STIM1: variants seen among roughly 807,000 people sequenced by gnomAD.
The protein encoded by STIM1 is stromal interaction molecule 1.
A neutral mutation model predicts 74.7 loss-of-function variants in STIM1; 25 were observed. The observed-to-expected ratio is 0.33, with a 90% CI of 0.24 to 0.47. The LOEUF (loss-of-function observed/expected upper bound fraction) is 0.47, where lower values mean the gene tolerates loss of function less well. Ranked by LOEUF, STIM1 falls within the 20% of genes least tolerant of loss-of-function variation. STIM1 has a pLI of 1.00. For missense variants in STIM1, 728 were observed against 920.8 expected (o/e 0.79, Z 2.71); for synonymous variants, 328 against 348.8 (o/e 0.94, Z 0.66).
intron 1 of STIM1, among the ~76,000 whole-genome samples, chr11:3,881,538 T>C (rs2091501427): frequency 6.6e-6 from 1 of 151,910 alleles, no homozygotes; most frequent in Non-Finnish European, 1.5e-5. Context: ...ACCCGGCTAA[T>C]TTTTTTGTAT....
chr11:3,928,416 G>A (rs1159759088), intron 1 of STIM1, among the ~76,000 whole-genome samples: 1 of 151,976 alleles, frequency 6.6e-6, no homozygotes, highest in Admixed American at 6.6e-5. Flanking sequence ...TAGTGGAGAC[G>A]AAGTTTCACC....
At chr11:4,032,101 A>G (rs545807070) in intron 3 of STIM1, among the ~76,000 whole-genome samples, 3 of 152,346 alleles carry the variant, frequency 2.0e-5, no homozygotes, top group South Asian at 2.1e-4. Context: ...CGTGGTCCCA[A>G]TTGTTCTAGA....
intron 12 of STIM1, among the ~76,000 whole-genome samples, chr11:4,090,225 C>T (rs1321282774): frequency 6.6e-6 from 1 of 152,198 alleles, no homozygotes; most frequent in Non-Finnish European, 1.5e-5. Context: ...ATCCTCCAAA[C>T]AGTCTTGTAA....
At chr11:3,895,739 T>TTTCCTTC (rs1565105395) in intron 1 of STIM1, among the ~76,000 whole-genome samples, 1 of 33,568 alleles carries the variant, frequency 3.0e-5, no homozygotes, top group African/African-American at 2.0e-4. Context: ...TCTTTCTTTT[T>TTTCCTTC]CTTTCTTCCT....
At position 4,055,618 on chromosome 11, in the gene STIM1, AG is replaced by A; in HGVS notation, c.479del (p.Ser160MetfsTer15). Reference protein sequence around the residue: ...YEETFRKLQLSGHAMPRLAVT... With the variant: ...YEETFRKLQLXGHAMPRLAVT... ...GGAGACCTTCCGGAAGCTGCAGCTC[AG>A]TGGCCATGCCATGCCAAGGTCAGGA... is the stretch of plus-strand genomic sequence containing the variant. On this transcript the variant is annotated frameshift_variant, in exon 4 of 13. Transcript: ENST00000526596. LOFTEE classifies it high-confidence loss of function. The A allele has an allele frequency of 6.3e-7, 1 of 1,590,694 alleles. No individual in the cohort carries two copies. Among genetic ancestry groups the A allele is most frequent in the Non-Finnish European group, 8.6e-7 (1 of 1,168,976 alleles).
At chr11:4,055,961 GGTATTATT>G (rs2094286403) in intron 4 of STIM1, among the ~76,000 whole-genome samples, 1 of 152,122 alleles carries the variant, frequency 6.6e-6, no homozygotes, top group Non-Finnish European at 1.5e-5. Flanking sequence ...CTGTAAGGTG[GGTATTATT>G]GTATATAGAT....
At position 3,860,033 on chromosome 11, in the gene STIM1, A is replaced by G. The variant is rs576910077; in HGVS notation, c.139+3624A>G. On this transcript the variant is annotated intron_variant, in intron 1 of 12. Coordinates refer to ENST00000526596, the MANE Select transcript of STIM1 (RefSeq NM_001382567.1). ...CCTGTGGGGATTTAAGGATGAACAA[A>G]ACAGACATGTTCCTTCCCTCATGGA... 1.8e-4 allele frequency among the ~76,000 whole-genome samples: 28 copies of G among 152,372 alleles called. 1 individual carries two copies. In the South Asian group the frequency reaches 5.4e-3, roughly 29 times the overall value.
intron 2 of STIM1, among the ~76,000 whole-genome samples, chr11:3,979,589 G>A (rs184536328): frequency 9.2e-5 from 14 of 152,228 alleles, no homozygotes; most frequent in Admixed American, 6.5e-4. Flanking sequence ...AGGACTACAG[G>A]TGTGCACCAC....
chr11:3,892,159 T>G lies in STIM1; in HGVS notation c.139+35750T>G, dbSNP rs1172938802. Among the ~76,000 whole-genome samples, 3 of 152,348 alleles carry G rather than the reference T, an allele frequency of 2.0e-5. No homozygotes were observed. In the South Asian group the frequency reaches 6.2e-4, roughly 32 times the overall value. ...AGGGCTGTACTTTGTTTTTATTTAT[T>G]TTTTATGTTTTATTTATTTATTTTT... On this transcript the variant is annotated intron_variant, in intron 1 of 12. Coordinates refer to ENST00000526596, the MANE Select transcript of STIM1 (RefSeq NM_001382567.1).
chr11:3,896,275 T>C (rs1365796233), intron 1 of STIM1, among the ~76,000 whole-genome samples: 1 of 152,202 alleles, frequency 6.6e-6, no homozygotes, highest in Non-Finnish European at 1.5e-5. Context: ...AGTTATTTTA[T>C]GTACTAGGCA....
At chr11:4,036,011 G>A (rs575640856) in intron 3 of STIM1, among the ~76,000 whole-genome samples, 75 of 152,068 alleles carry the variant, frequency 4.9e-4, no homozygotes, top group African/African-American at 1.6e-3. Flanking sequence ...TGATGCTTTC[G>A]CTCCTCCCAC....
chr11:3,993,439 T>C (rs2093633336), intron 2 of STIM1, among the ~76,000 whole-genome samples: 1 of 152,160 alleles, frequency 6.6e-6, no homozygotes, highest in Admixed American at 6.5e-5. Flanking sequence ...GGCAGATCAC[T>C]TGAGGTCAGG....
chr11:3,997,738 T>C (rs546082423), intron 2 of STIM1, among the ~76,000 whole-genome samples: 7 of 152,234 alleles, frequency 4.6e-5, no homozygotes, highest in Middle Eastern at 3.4e-3. Flanking sequence ...TTCATTATCA[T>C]TGGGAATGAG....
At chr11:3,982,090 G>A (rs2093511281) in intron 2 of STIM1, among the ~76,000 whole-genome samples, 1 of 150,636 alleles carries the variant, frequency 6.6e-6, no homozygotes, top group African/African-American at 2.4e-5. Context: ...GCAGTGGCAT[G>A]CTCATAGCTT....
intron 6 of STIM1, among the ~76,000 whole-genome samples, chr11:4,071,834 G>GT (rs1291622524): frequency 6.6e-6 from 1 of 152,176 alleles, no homozygotes; most frequent in Non-Finnish European, 1.5e-5. Flanking sequence ...TCATATATCA[G>GT]TAAGTAGTGA....
chr11:3,916,445 A>G (rs984964609), intron 1 of STIM1, among the ~76,000 whole-genome samples: 231 of 129,952 alleles, frequency 1.8e-3, no homozygotes, highest in Non-Finnish European at 2.9e-3. Context: ...GTGCCACCAC[A>G]CCCAATTTTT....
chr11:3,968,996 G>A (rs2093366220), intron 2 of STIM1, among the ~76,000 whole-genome samples: 1 of 152,178 alleles, frequency 6.6e-6, no homozygotes, highest in Non-Finnish European at 1.5e-5. Context: ...CAAAGCCCAT[G>A]CTCTTAAGTA....
At chr11:3,878,814 C>T (rs1288542166) in intron 1 of STIM1, among the ~76,000 whole-genome samples, 1 of 152,170 alleles carries the variant, frequency 6.6e-6, no homozygotes, top group Non-Finnish European at 1.5e-5. Flanking sequence ...CAGTGGGTTC[C>T]TATTGCTAGC....
intron 2 of STIM1, among the ~76,000 whole-genome samples, chr11:4,018,401 G>A (rs576859434): frequency 3.6e-4 from 46 of 129,132 alleles, no homozygotes; most frequent in South Asian, 1.1e-3. Context: ...GCAGTGAGCC[G>A]AGATTGCGCC....
Sources: allele counts gnomAD v4.1 joint callset (sites outside exome capture counted in the v4.1 genomes callset), GRCh38; gene constraint gnomAD v4.1.1; transcripts MANE v1.5; gene names NCBI Gene and HGNC (gene_info 2026-07-23, HGNC 2026-07-21).